PCNT: variants seen among roughly 807,000 people sequenced by gnomAD.
PCNT encodes the protein pericentrin.
A neutral mutation model predicts 380.4 loss-of-function variants in PCNT; 319 were observed. The ratio of observed to expected loss-of-function variants is 0.84; its 90% CI spans 0.77 to 0.92. The LOEUF is 0.92. PCNT is among the 40% of genes least tolerant of loss of function. PCNT has a pLI of 0.00. For synonymous variants in PCNT, 1,845 were observed against 1,735.2 expected, an observed-to-expected ratio of 1.06 and a Z score of -1.57; for missense variants, 4,400 against 4,255.3, an observed-to-expected ratio of 1.03 and a Z score of -0.95.
At position 46,329,397 on chromosome 21, in the gene PCNT, G is replaced by T. The variant is rs140343544; in HGVS notation, c.267+2808G>T. Among the ~76,000 whole-genome samples the T allele has an allele frequency of 1.1e-4, 17 of 152,316 alleles. No individual in the cohort carries two copies. In the East Asian group the frequency reaches 3.1e-3, roughly 28 times the overall value. ...GAAAATTAACAGTGGTGGTCAGAAAGGAATAGAGTTGTTGGTTTTTTCGTT... is the reference window on the plus strand; with the variant it reads ...GAAAATTAACAGTGGTGGTCAGAAATGAATAGAGTTGTTGGTTTTTTCGTT... On this transcript the variant is annotated intron_variant, in intron 2 of 46. Transcript: ENST00000359568.
chr21:46,394,650 AC>A (rs1601946563), intron 21 of PCNT: 3 of 263,972 alleles, frequency 1.1e-5, no homozygotes, highest in Non-Finnish European at 1.8e-5. Context: ...AACAATAAAT[AC>A]AGCGATACTC....
chr21:46,418,152 GCTA>G, intron 30 of PCNT, 49 bp from the exon 31 acceptor site: 1 of 1,132,732 alleles, frequency 8.8e-7, no homozygotes, highest in Non-Finnish European at 1.3e-6. Context: ...CAAAGTCAGC[GCTA>G]TGATGTAATT....
At position 46,391,353 on chromosome 21, in the gene PCNT, C is replaced by G. The variant is rs369257031; in HGVS notation, c.4193C>G (p.Thr1398Arg). Residue 1398 changes from threonine to arginine, a missense_variant, in exon 21 of 47, where the codon ACG becomes AGG. Physicochemically the swap from Thr to Arg is moderately conservative, Grantham distance 71. Coordinates refer to ENST00000359568, the MANE Select transcript of PCNT (RefSeq NM_006031.6). ...TGGAGTCGGGGGGAGGCCACAGCCACGGACGCCGAGGCCAGAGAAGCTGGT... is the reference window on the plus strand; with the variant it reads ...TGGAGTCGGGGGGAGGCCACAGCCAGGGACGCCGAGGCCAGAGAAGCTGGT... ...RLWSRGEATATDAEAREAALR... is the reference protein window; with the variant it reads ...RLWSRGEATARDAEAREAALR... The G allele has an allele frequency of 6.4e-7, 1 of 1,551,948 alleles. No homozygotes were observed. The highest frequency in any genetic ancestry group is 1.4e-5 in the African/African-American group (1 of 73,298).
Position 46,432,012 on chromosome 21 carries a change from C to T in PCNT, c.8548C>T (p.Leu2850=). ...CACACTGAAGTCGACGGTGGAAGCCCTGCACACCCAAAAACGAGAGCTGAG... is the reference window on the plus strand; with the variant it reads ...CACACTGAAGTCGACGGTGGAAGCCTTGCACACCCAAAAACGAGAGCTGAG... ...SATLKSTVEA[L]HTQKRELRCS... The change falls in exon 38 of 47, where the codon CTG becomes TTG. Residue 2850 remains leucine (L), a synonymous_variant. Transcript: ENST00000359568. 1.2e-6 allele frequency: 2 copies of T among 1,613,860 alleles called. No homozygotes were observed. The highest frequency in any genetic ancestry group is 1.7e-6 in the Non-Finnish European group (2 of 1,180,026).
rs2086237938 is a variant in PCNT at position 46,397,188 on chromosome 21, A to G, written c.4217-77A>G. 30 of 1,129,102 alleles carry G rather than the reference A, an allele frequency of 2.7e-5. No individual in the cohort carries two copies. The South Asian group carries it at 3.2e-4, about 12-fold the overall frequency. The allele number at this position is 1,129,102 out of a possible 1,614,324, so 69.9% of individuals were successfully genotyped here. A position where few individuals can be genotyped will look rare whatever the true frequency, so the allele number is the denominator to read the frequency against. ...TTCGGTGGGTTTTGACTGAATCACC[A>G]TCAGGAGATGCACGTGTCATGCACC... On this transcript the variant is annotated intron_variant, in intron 21 of 46. Coordinates refer to ENST00000359568, the MANE Select transcript of PCNT (RefSeq NM_006031.6).
At chr21:46,391,540 G>A (rs185378145) in intron 21 of PCNT, among the ~76,000 whole-genome samples, 164 bp downstream of exon 21, 1 of 152,330 alleles carries the variant, frequency 6.6e-6, no homozygotes, top group Admixed American at 6.5e-5. Context: ...GTGCGGATCA[G>A]GTGAGGCATC....
At chr21:46,379,107 G>A (rs1050146496) in intron 15 of PCNT, among the ~76,000 whole-genome samples, 1 of 152,182 alleles carries the variant, frequency 6.6e-6, no homozygotes, top group African/African-American at 2.4e-5. Flanking sequence ...CTTAGCTTTT[G>A]TTTTTGTGGG....
At position 46,397,429 on chromosome 21, in the gene PCNT, A is replaced by C. The variant is rs1375143449; in HGVS notation, c.4381A>C (p.Thr1461Pro). 2.5e-6 allele frequency: 4 copies of C among 1,614,098 alleles called. No individual in the cohort carries two copies. The East Asian group carries it at 8.9e-5, about 36-fold the overall frequency. The change falls in exon 22 of 47, where the codon ACT (threonine) becomes CCT (proline). Residue 1461 changes from threonine (T) to proline (P), a missense_variant. Physicochemically the swap from Thr to Pro is conservative, Grantham distance 38. Transcript: ENST00000359568. The part of the protein sequence containing the change: ...RGCAKQAEAV[T>P]ALEQQVASLD... ...GTGTGCCAAGCAGGCGGAGGCCGTC[A>C]CTGCCCTGGAACAGCAGGTGGCATC...
chr21:46,439,724 C>T (rs1332796857), intron 41 of PCNT, among the ~76,000 whole-genome samples: 3 of 152,118 alleles, frequency 2.0e-5, no homozygotes, highest in Non-Finnish European at 2.9e-5. Flanking sequence ...TTGTAGTTAC[C>T]AGTGGTTGGC....
Position 46,379,909 on chromosome 21 carries a change from C to T in PCNT, c.3166-1785C>T, listed in dbSNP as rs938886936. Among the ~76,000 whole-genome samples the T allele has an allele frequency of 4.6e-5, 7 of 152,202 alleles. No homozygotes were observed. In the South Asian group the frequency reaches 6.2e-4, roughly 13 times the overall value. On this transcript the variant is annotated intron_variant, in intron 15 of 46. Coordinates refer to ENST00000359568, the MANE Select transcript of PCNT (RefSeq NM_006031.6). ...TGCCAAGCCACATGGTCACTGCAGC[C>T]GGCCCAGGACCTCTTGGGCCTTTCC...
Position 46,390,568 on chromosome 21 carries a change from C to T in PCNT, c.3841-102C>T, listed in dbSNP as rs562778733. 4.2e-5 allele frequency: 55 copies of T among 1,300,168 alleles called. No individual in the cohort carries two copies. In the African/African-American group the frequency reaches 4.5e-4, roughly 11 times the overall value. The allele number at this position is 1,300,168 out of a possible 1,614,324, so 80.5% of individuals were successfully genotyped here. On this transcript the variant is annotated intron_variant, in intron 19 of 46. Coordinates refer to ENST00000359568, the MANE Select transcript of PCNT (RefSeq NM_006031.6). Reference sequence around the variant, plus strand: ...TGGCCTGGCCCTGCCTGGGTGGTGACGGCCTGAAGGGTCTGGGGGTAGAAG... The same window carrying T: ...TGGCCTGGCCCTGCCTGGGTGGTGATGGCCTGAAGGGTCTGGGGGTAGAAG...
intron 33 of PCNT, 139 bp downstream of exon 33, chr21:46,426,110 C>T: frequency 1.3e-6 from 1 of 785,708 alleles, no homozygotes; most frequent in South Asian, 1.9e-5. Context: ...ACTCGGCTCA[C>T]TGCAACCTCC....
intron 3 of PCNT, among the ~76,000 whole-genome samples, chr21:46,336,803 A>G (rs1266740229): frequency 1.3e-5 from 2 of 151,946 alleles, no homozygotes. Context: ...GTTCATTTGT[A>G]TTTATAGACA....
Position 46,390,776 on chromosome 21 carries a change from T to G in PCNT, c.3947T>G (p.Leu1316Trp), listed in dbSNP as rs1298142341. ...AAGCACCAGGAGCTGCTGGAGTGTT[T>G]GAAGGAGGAGAGCGCAGCAAAGGCA... is the stretch of plus-strand genomic sequence containing the variant. ...VRKHQELLEC[L>W]KEESAAKAEL... The change falls in exon 20 of 47, where the codon TTG (leucine) becomes TGG (tryptophan). Residue 1316 changes from leucine to tryptophan, a missense_variant. By Grantham distance (61) the Leu-to-Trp change is moderately conservative (BLOSUM62 -2). Transcript: ENST00000359568. 3.1e-6 allele frequency: 5 copies of G among 1,612,934 alleles called. No homozygotes were observed. Among genetic ancestry groups the G allele is most frequent in the Non-Finnish European group, 4.2e-6 (5 of 1,179,838 alleles).
chr21:46,386,107 G>C (rs548484675), intron 17 of PCNT, 124 bp downstream of exon 17: 3 of 1,134,894 alleles, frequency 2.6e-6, no homozygotes, highest in Non-Finnish European at 3.9e-6. Context: ...CTGGCTCCTG[G>C]TGGACGGGGA....
intron 37 of PCNT, chr21:46,430,862 G>A (rs1433326624): frequency 1.0e-6 from 1 of 985,334 alleles, no homozygotes; most frequent in African/African-American, 1.7e-5. Flanking sequence ...AGAGTGCGAT[G>A]ACCCGTGGTG....
Position 46,416,563 on chromosome 21 carries a change from G to T in PCNT, c.6645G>T (p.Pro2215=), listed in dbSNP as rs144342729. The change falls in exon 30 of 47, where the codon CCG becomes CCT. Residue 2215 remains proline, a synonymous_variant. Coordinates refer to ENST00000359568, the MANE Select transcript of PCNT (RefSeq NM_006031.6). Reference sequence around the variant, plus strand: ...CAGAGGCTGGGCCCCGGAAGAGCCCGGTCGGGATGCTGGACCTGTCTTCCT... The same window carrying T: ...CAGAGGCTGGGCCCCGGAAGAGCCCTGTCGGGATGCTGGACCTGTCTTCCT... The part of the protein sequence containing the change: ...HTAEAGPRKS[P]VGMLDLSSWS... The T allele has an allele frequency of 1.9e-6, 3 of 1,612,124 alleles. No individual in the cohort carries two copies. In the South Asian group the frequency reaches 3.3e-5, roughly 18 times the overall value.
intron 15 of PCNT, among the ~76,000 whole-genome samples, chr21:46,372,203 GAGCACATGCACAC>G (rs987216124): frequency 7.1e-6 from 1 of 141,740 alleles, no homozygotes; most frequent in African/African-American, 2.7e-5. Flanking sequence ...CACACACAGA[GAGCACATGCACAC>G]AGCACATGTG....
At chr21:46,374,547 A>G (rs1450486851) in intron 15 of PCNT, among the ~76,000 whole-genome samples, 2 of 152,062 alleles carry the variant, frequency 1.3e-5, no homozygotes, top group South Asian at 4.1e-4. Flanking sequence ...CAGGCTTTAC[A>G]CCGTGAAAAG....
Sources: allele counts gnomAD v4.1 joint callset (sites outside exome capture counted in the v4.1 genomes callset), GRCh38; gene constraint gnomAD v4.1.1; transcripts MANE v1.5; gene names NCBI Gene and HGNC (gene_info 2026-07-23, HGNC 2026-07-21).